Variants in USP47 observed in about 807,000 individuals in gnomAD.
USP47 encodes ubiquitin specific peptidase 47, also known as ubiquitin carboxyl-terminal hydrolase 47.
A neutral mutation model predicts 165.1 loss-of-function variants in USP47; 35 were observed. The observed-to-expected ratio is 0.21, with a 90% CI of 0.16 to 0.28. The LOEUF (loss-of-function observed/expected upper bound fraction) is 0.28. Among genes scored for constraint, USP47 ranks in the 10% least tolerant of loss-of-function variants. The pLI, the probability that USP47 is intolerant of heterozygous loss-of-function variation, is 1.00. For missense variants in USP47, 1,277 were observed against 1,607.4 expected (o/e 0.79, Z 3.52); for synonymous variants, 531 against 544.5 (o/e 0.98, Z 0.35).
chr11:11,893,223 CT>C (rs1481551567), intron 4 of USP47, among the ~76,000 whole-genome samples: 10 of 152,046 alleles, frequency 6.6e-5, no homozygotes, highest in Admixed American at 2.0e-4. Flanking sequence ...TAAAACAAAT[CT>C]TTGCAATAGA....
chr11:11,881,753 C>T (rs561394116), intron 2 of USP47, among the ~76,000 whole-genome samples: 6 of 152,174 alleles, frequency 3.9e-5, no homozygotes, highest in Non-Finnish European at 8.8e-5. Context: ...AAAAAAATTT[C>T]TAGGAATCCT....
chr11:11,911,475 A>C (rs909745046), intron 8 of USP47, among the ~76,000 whole-genome samples: 4 of 152,152 alleles, frequency 2.6e-5, no homozygotes, highest in Admixed American at 6.6e-5. Context: ...GTGTCAGATA[A>C]AGAAGACTTT....
rs750381791 is a variant in USP47 at position 11,922,819 on chromosome 11, T to C, written c.1314T>C (p.Asp438=). 1.9e-6 allele frequency: 3 copies of C among 1,611,882 alleles called. No individual in the cohort carries two copies. Among genetic ancestry groups the C allele is most frequent in the South Asian group, 1.1e-5 (1 of 91,000 alleles). The stretch of plus-strand genomic sequence containing the variant: ...TGAGCAACGATTTCTCCAATGATGA[T>C]GGTGTTGATGAAGGAATCTGTCTTG... The part of the protein sequence containing the change: ...DQMSNDFSND[D]GVDEGICLET... Residue 438 remains aspartate (D), a synonymous_variant, in exon 11 of 28, where the codon GAT becomes GAC. Transcript: ENST00000527733.
chr11:11,925,204 T>G (rs567917257), intron 11 of USP47, among the ~76,000 whole-genome samples: 4 of 152,006 alleles, frequency 2.6e-5, no homozygotes, highest in African/African-American at 9.6e-5. Context: ...ACCTCCCAAG[T>G]TCACGCCATT....
intron 1 of USP47, among the ~76,000 whole-genome samples, chr11:11,873,268 C>T (rs11824241): frequency 2.0e-5 from 3 of 151,932 alleles, no homozygotes; most frequent in African/African-American, 7.2e-5. Flanking sequence ...CAAGATTTTT[C>T]AAGAGATTAT....
intron 14 of USP47, among the ~76,000 whole-genome samples, chr11:11,931,430 T>A (rs144123193): frequency 1.3e-5 from 2 of 152,246 alleles, no homozygotes; most frequent in African/African-American, 4.8e-5. Context: ...TAAATGGAAA[T>A]TATAGTAAGT....
At chr11:11,948,928 G>A (rs559877153) in intron 22 of USP47, 55 of 191,014 alleles carry the variant, frequency 2.9e-4, no homozygotes, top group Non-Finnish European at 3.6e-4. Flanking sequence ...TTTTTTGTGC[G>A]TGTGCTTGCT....
chr11:11,843,687 G>A (rs1848271784), intron 1 of USP47, among the ~76,000 whole-genome samples: 1 of 152,064 alleles, frequency 6.6e-6, no homozygotes, highest in African/African-American at 2.4e-5. Context: ...TCATATAGGT[G>A]GAACTCTGCT....
chr11:11,905,360 T>G (rs1306799914), intron 7 of USP47, 39 bp from the exon 8 acceptor site: 15 of 1,499,704 alleles, frequency 1.0e-5, no homozygotes, highest in Non-Finnish European at 1.4e-5. Flanking sequence ...AAAGGTTATT[T>G]TTAAGGAACA....
chr11:11,948,371 CAG>C, intron 21 of USP47, 105 bp from the exon 22 acceptor site: 1 of 981,196 alleles, frequency 1.0e-6, no homozygotes, highest in Non-Finnish European at 1.5e-6. Context: ...TGCCTGTTCT[CAG>C]AGAGCCTATA....
At chr11:11,928,773 CT>C (rs1472842049) in intron 11 of USP47, among the ~76,000 whole-genome samples, 1 of 151,712 alleles carries the variant, frequency 6.6e-6, no homozygotes, top group African/African-American at 2.4e-5. Context: ...TAAATGACCT[CT>C]TTTTTTTAAA....
chr11:11,847,240 G>A (rs191796617), intron 1 of USP47, among the ~76,000 whole-genome samples: 2 of 151,412 alleles, frequency 1.3e-5, no homozygotes, highest in African/African-American at 4.9e-5. Flanking sequence ...AACAGAAATT[G>A]AGATGATCTG....
chr11:11,936,027 A>G (rs1479832591), intron 16 of USP47, among the ~76,000 whole-genome samples: 1 of 151,900 alleles, frequency 6.6e-6, no homozygotes, highest in Non-Finnish European at 1.5e-5. Context: ...TTCTACACCT[A>G]AAGTTTATGA....
chr11:11,862,179 T>G (rs549693453), intron 1 of USP47, among the ~76,000 whole-genome samples: 1 of 152,290 alleles, frequency 6.6e-6, no homozygotes, highest in African/African-American at 2.4e-5. Flanking sequence ...AATTTTCTGT[T>G]TCAAAATCAG....
At position 11,850,561 on chromosome 11, in the gene USP47, G is replaced by A. The variant is rs528180035; in HGVS notation, c.39+8337G>A. 2.4e-4 allele frequency among the ~76,000 whole-genome samples: 33 copies of A among 136,298 alleles called. 1 individual carries two copies. In the East Asian group the frequency reaches 4.4e-3, roughly 18 times the overall value. 89.4% of individuals were successfully genotyped at this position (136,298 alleles called of 152,430 possible). On this transcript the variant is annotated intron_variant, in intron 1 of 27. Transcript: ENST00000527733. ...GCTTTGGTCTTTATCTTTCATATTTGTTGCTTTCCTTAGATGTCTCATGAT... is the reference window on the plus strand; with the variant it reads ...GCTTTGGTCTTTATCTTTCATATTTATTGCTTTCCTTAGATGTCTCATGAT...
intron 25 of USP47, among the ~76,000 whole-genome samples, chr11:11,954,670 G>A (rs961749458): frequency 1.4e-5 from 2 of 147,116 alleles, no homozygotes; most frequent in Admixed American, 6.8e-5. Context: ...TTTTAGAAAC[G>A]TGGGTGTAGT....
At chr11:11,919,813 T>C (rs1036006864) in intron 8 of USP47, among the ~76,000 whole-genome samples, 1 of 151,912 alleles carries the variant, frequency 6.6e-6, no homozygotes, top group Non-Finnish European at 1.5e-5. Context: ...CAACTGCTTT[T>C]CTTAGAAGTG....
intron 8 of USP47, among the ~76,000 whole-genome samples, chr11:11,906,290 G>A (rs1382166689): frequency 6.6e-6 from 1 of 152,100 alleles, no homozygotes; most frequent in Non-Finnish European, 1.5e-5. Context: ...CCTACCATGT[G>A]CCAGGGGAAG....
At chr11:11,884,807 C>G (rs1851050163) in intron 3 of USP47, 1 of 393,324 alleles carries the variant, frequency 2.5e-6, no homozygotes. Context: ...TTGGATTTAA[C>G]ATATACTGCT....
Sources: allele counts gnomAD v4.1 joint callset (sites outside exome capture counted in the v4.1 genomes callset), GRCh38; gene constraint gnomAD v4.1.1; transcripts MANE v1.5; gene names NCBI Gene and HGNC (gene_info 2026-07-23, HGNC 2026-07-21).